HDAC9: variants seen among roughly 807,000 people sequenced by gnomAD.
HDAC9 encodes the protein MEF-2 interacting transcription repressor (MITR) protein.
In HDAC9, 41 loss-of-function variants were observed where a neutral mutation model predicts 139.4. That is an observed-to-expected ratio of 0.29 (90% confidence interval 0.23 to 0.38). HDAC9 has a LOEUF of 0.38. HDAC9 is among the 10% of genes least tolerant of loss of function. The pLI is 1.00. For synonymous variants in HDAC9, 517 were observed against 476.2 expected (o/e 1.09, Z -1.12); for missense variants, 1,147 against 1,297.0 (o/e 0.88, Z 1.78).
chr7:18,272,396 A>G (rs1223126320), intron 2 of HDAC9, among the ~76,000 whole-genome samples: 1 of 152,212 alleles, frequency 6.6e-6, no homozygotes, highest in African/African-American at 2.4e-5. Context: ...AGAAGGAGTC[A>G]GTAGGATGTA....
intron 10 of HDAC9, 44 bp from the exon 11 acceptor site, chr7:18,648,422 G>A: frequency 1.5e-6 from 2 of 1,341,252 alleles, no homozygotes; most frequent in Non-Finnish European, 2.1e-6. Flanking sequence ...GTGTGTGTGT[G>A]TGTGTGTGTG....
intron 1 of HDAC9, among the ~76,000 whole-genome samples, chr7:18,358,924 A>C (rs1783547295): frequency 6.6e-6 from 1 of 152,236 alleles, no homozygotes; most frequent in Admixed American, 6.5e-5. Flanking sequence ...AGTAGTATTC[A>C]ATTAATACCA....
chr7:18,590,441 G>C lies in HDAC9; in HGVS notation c.370G>C (p.Glu124Gln). 6.2e-7 allele frequency: 1 copy of C among 1,606,346 alleles called. No individual in the cohort carries two copies. Among genetic ancestry groups the C allele is most frequent in the Non-Finnish European group, 8.5e-7 (1 of 1,176,158 alleles). ...QEQEVERHRREQQLPPLRGKD... is the reference protein window; with the variant it reads ...QEQEVERHRRQQQLPPLRGKD... ...ACAGGAAGTAGAGAGGCATCGCAGA[G>C]AACAGCAGCTTCCTCCTCTCAGAGG... Residue 124 changes from glutamate (E) to glutamine (Q), a missense_variant, in exon 4 of 26, where the codon GAA (glutamate) becomes CAA (glutamine). Coordinates refer to ENST00000686413, the MANE Select transcript of HDAC9 (RefSeq NM_178425.4).
intron 2 of HDAC9, among the ~76,000 whole-genome samples, chr7:18,561,881 A>G (rs1820730382): frequency 6.6e-6 from 1 of 152,236 alleles, no homozygotes; most frequent in African/African-American, 2.4e-5. Flanking sequence ...CCTTTTGGCT[A>G]CTATGAAGAA....
intron 1 of HDAC9, among the ~76,000 whole-genome samples, chr7:18,308,542 GT>G (rs1386362867): frequency 6.6e-6 from 1 of 152,096 alleles, no homozygotes; most frequent in Non-Finnish European, 1.5e-5. Context: ...ATATATAAAA[GT>G]TTTGGTGTAC....
At chr7:18,509,553 T>C (rs1355655816) in intron 2 of HDAC9, 1 of 634,648 alleles carries the variant, frequency 1.6e-6, no homozygotes, top group East Asian at 1.4e-4. Flanking sequence ...TTTATCTGTT[T>C]TTGTTGTTGT....
chr7:18,485,903 A>G (rs934679100), intron 1 of HDAC9, among the ~76,000 whole-genome samples: 1 of 152,166 alleles, frequency 6.6e-6, no homozygotes, highest in Non-Finnish European at 1.5e-5. Flanking sequence ...ATTATTTGAA[A>G]TGTTATTGTC....
chr7:18,994,138 G>A (rs1786257271), intron 25 of HDAC9, among the ~76,000 whole-genome samples: 1 of 152,098 alleles, frequency 6.6e-6, no homozygotes, highest in African/African-American at 2.4e-5. Context: ...CCTTACATCT[G>A]TGACCTCTGA....
chr7:18,136,145 G>T (rs1404522514), intron 1 of HDAC9, among the ~76,000 whole-genome samples: 1 of 149,486 alleles, frequency 6.7e-6, no homozygotes, highest in Admixed American at 6.6e-5. Flanking sequence ...CTTTTTGATG[G>T]GGTTGTTTGT....
chr7:18,884,836 T>A (rs969459091), intron 22 of HDAC9, among the ~76,000 whole-genome samples: 4 of 152,124 alleles, frequency 2.6e-5, no homozygotes, highest in African/African-American at 7.2e-5. Context: ...TCAGTCCACA[T>A]CCCTGTTTCT....
intron 2 of HDAC9, among the ~76,000 whole-genome samples, chr7:18,165,803 A>G (rs1787969505): frequency 6.6e-6 from 1 of 151,716 alleles, no homozygotes; most frequent in African/African-American, 2.4e-5. Flanking sequence ...TGTCTCAAAA[A>G]AAAAAAAAAA....
intron 2 of HDAC9, among the ~76,000 whole-genome samples, chr7:18,582,516 A>G (rs1828134311): frequency 6.6e-6 from 1 of 151,772 alleles, no homozygotes; most frequent in African/African-American, 2.4e-5. Flanking sequence ...TTATATATAT[A>G]TATATTTTTT....
At chr7:18,398,653 G>T (rs1212770667) in intron 1 of HDAC9, among the ~76,000 whole-genome samples, 3 of 152,000 alleles carry the variant, frequency 2.0e-5, no homozygotes, top group African/African-American at 7.2e-5. Flanking sequence ...AATTCTTTAA[G>T]ATATATTTCA....
At chr7:18,300,828 CA>C (rs1185839535) in intron 1 of HDAC9, among the ~76,000 whole-genome samples, 2 of 151,896 alleles carry the variant, frequency 1.3e-5, no homozygotes, top group African/African-American at 2.4e-5. Flanking sequence ...ATGTAATTGA[CA>C]AAAAATACTT....
At chr7:18,336,436 T>G (rs1021141699) in intron 1 of HDAC9, among the ~76,000 whole-genome samples, 1 of 151,632 alleles carries the variant, frequency 6.6e-6, no homozygotes, top group African/African-American at 2.4e-5. Context: ...AATTCTGTAA[T>G]GAGAAGACTG....
intron 1 of HDAC9, among the ~76,000 whole-genome samples, chr7:18,438,706 T>G (rs998650155): frequency 1.4e-4 from 21 of 151,602 alleles, no homozygotes. Context: ...TGTGTGTGTG[T>G]GGTGCATGTG....
chr7:18,175,317 C>G (rs754292261), intron 2 of HDAC9, among the ~76,000 whole-genome samples: 1 of 152,190 alleles, frequency 6.6e-6, no homozygotes, highest in East Asian at 1.9e-4. Flanking sequence ...ATTGGAAAAA[C>G]GCAGTATTTG....
At chr7:18,594,255 C>A (rs1831830518) in intron 6 of HDAC9, among the ~76,000 whole-genome samples, 1 of 151,946 alleles carries the variant, frequency 6.6e-6, no homozygotes. Context: ...AAAAGTTTAT[C>A]ATATTTGAAC....
chr7:18,314,144 AG>A (rs1248125098), intron 1 of HDAC9, among the ~76,000 whole-genome samples: 1 of 152,166 alleles, frequency 6.6e-6, no homozygotes, highest in Non-Finnish European at 1.5e-5. Context: ...CCTGGTGACA[AG>A]TTCTATAGAA....
Sources: gnomAD v4.1 joint callset for allele counts (sites outside exome capture counted in the v4.1 genomes callset) on GRCh38, gnomAD v4.1.1 for gene constraint, MANE v1.5 for transcripts, NCBI Gene and HGNC (gene_info 2026-07-23, HGNC 2026-07-21) for gene names.